The following NEB variants were observed in gnomAD, a reference collection of about 807,000 sequenced individuals.
NEB encodes the protein nebulin.
In NEB, 512 loss-of-function variants were observed where a neutral mutation model predicts 952.2. The observed-to-expected ratio is 0.54, with a 90% CI of 0.50 to 0.58. The LOEUF (loss-of-function observed/expected upper bound fraction) is 0.58. Ranked by LOEUF, NEB falls within the 20% of genes least tolerant of loss-of-function variation. The pLI, the probability that NEB is intolerant of heterozygous loss-of-function variation, is 0.00. For missense variants in NEB, 8,428 were observed against 9,231.1 expected (o/e 0.91, Z 3.56); for synonymous variants, 2,900 against 3,149.8 (o/e 0.92, Z 2.66).
chr2:151,565,091 T>C lies in NEB; in HGVS notation c.18424A>G (p.Thr6142Ala). The change falls in exon 117 of 182, where the codon ACA (threonine) becomes GCA (alanine). Residue 6142 changes from threonine to alanine, a missense_variant. By Grantham distance (58) the Thr-to-Ala change is moderately conservative. Transcript: ENST00000397345. ...AKGKYTFSPDTPHISHSKDMG... is the reference protein window; with the variant it reads ...AKGKYTFSPDAPHISHSKDMG... ...TCTTTGGAGTGGGAGATATGTGGTG[T>C]ATCTGGTGAAAACGTATATTTGCCC... The C allele has an allele frequency of 6.2e-7, 1 of 1,602,242 alleles. No homozygotes were observed. The highest frequency in any genetic ancestry group is 8.5e-7 in the Non-Finnish European group (1 of 1,170,846).
At chr2:151,717,544 G>A (rs766671540) in intron 9 of NEB, 24 bp from the exon 10 acceptor site, 26 of 1,540,110 alleles carry the variant, frequency 1.7e-5, no homozygotes, top group Non-Finnish European at 9.0e-7. Context: ...AGACAGGGAT[G>A]TATTTTAAAA....
In NEB at chr2:151,502,842, A is replaced by G; in HGVS notation, c.23879T>C (p.Ile7960Thr). 6.2e-7 allele frequency: 1 copy of G among 1,608,992 alleles called. No individual in the cohort carries two copies. The highest frequency in any genetic ancestry group is 1.1e-5 in the South Asian group (1 of 89,586). Residue 7960 changes from isoleucine to threonine, a missense_variant, in exon 167 of 182, where the codon ATC becomes ACC. Around this residue, in one of 11 missense-constraint regions of NEB, gnomAD observed 3,374 missense variants for 3,651.5 expected, o/e 0.92. Coordinates refer to ENST00000397345, the MANE Select transcript of NEB (RefSeq NM_001164508.2). Reference protein sequence around the residue: ...ENLGKGIPTPITPEMERVKRN... With the variant: ...ENLGKGIPTPTTPEMERVKRN... ...TTTGACTCTCTCCATCTCTGGAGTG[A>G]TAGGTGTTGGGATTCCTTTCCCCAA... is the stretch of plus-strand genomic sequence containing the variant.
At chr2:151,560,739 G>C (rs1231692674) in intron 123 of NEB, 40 bp from the exon 124 acceptor site, 1 of 1,478,178 alleles carries the variant, frequency 6.8e-7, no homozygotes, top group African/African-American at 1.4e-5. Context: ...ATGGGAAAAT[G>C]CATCTGGTTA....
intron 64 of NEB, among the ~76,000 whole-genome samples, chr2:151,634,940 G>C (rs2154084294): frequency 6.6e-6 from 1 of 152,256 alleles, no homozygotes; most frequent in East Asian, 1.9e-4. Flanking sequence ...ATCTAAGCCA[G>C]TTATCCAAAA....
intron 28 of NEB, among the ~76,000 whole-genome samples, chr2:151,683,758 A>T (rs1329824820): frequency 6.6e-6 from 1 of 152,190 alleles, no homozygotes; most frequent in African/African-American, 2.4e-5. Flanking sequence ...AGAGATATTC[A>T]CATGCCCATA....
At chr2:151,625,425 G>C in intron 71 of NEB, 109 bp downstream of exon 71, 1 of 738,590 alleles carries the variant, frequency 1.4e-6, no homozygotes, top group Non-Finnish European at 2.1e-6. Flanking sequence ...GGCATAAAAA[G>C]CCAACTAAGC....
At chr2:151,625,770 CA>C in intron 70 of NEB, 132 bp from the exon 71 acceptor site, 1 of 510,984 alleles carries the variant, frequency 2.0e-6, no homozygotes, top group South Asian at 4.9e-5. Context: ...ATATTCTTTT[CA>C]ACCTCTTTGA....
At position 151,672,496 on chromosome 2, in the gene NEB, G is replaced by A. The variant is rs1362236313; in HGVS notation, c.4172C>T (p.Thr1391Ile). 2 of 1,613,916 alleles carry A rather than the reference G, an allele frequency of 1.2e-6. No homozygotes were observed. Among genetic ancestry groups the A allele is most frequent in the Admixed American group, 1.7e-5 (1 of 60,014 alleles). ...YHTPGDMVSI[T>I]AAKMAQDVAT... ...GACATCCTGGGCCATCTTTGCAGCT[G>A]TGATGCTAACCATGTCCCCAGGGGT... The change falls in exon 37 of 182, where the codon ACA (threonine) becomes ATA (isoleucine). Residue 1391 changes from threonine to isoleucine, a missense_variant. Physicochemically the swap from Thr to Ile is moderately conservative, Grantham distance 89. Coordinates refer to ENST00000397345, the MANE Select transcript of NEB (RefSeq NM_001164508.2).
intron 71 of NEB, among the ~76,000 whole-genome samples, chr2:151,621,375 T>C (rs1197914378): frequency 1.3e-5 from 2 of 152,180 alleles, no homozygotes; most frequent in African/African-American, 4.8e-5. Flanking sequence ...ATTGGGAACA[T>C]TTTTACTAGC....
At chr2:151,714,997 A>G (rs2099755244) in intron 10 of NEB, among the ~76,000 whole-genome samples, 1 of 152,244 alleles carries the variant, frequency 6.6e-6, no homozygotes, top group Non-Finnish European at 1.5e-5. Flanking sequence ...TTAAGAACTC[A>G]GAAATCTGGG....
chr2:151,662,532 T>C (rs1418279110), intron 45 of NEB, among the ~76,000 whole-genome samples, 191 bp from the exon 46 acceptor site: 1 of 152,236 alleles, frequency 6.6e-6, no homozygotes, highest in Non-Finnish European at 1.5e-5. Flanking sequence ...CCTAAACTTT[T>C]ATCCTTTTTA....
intron 33 of NEB, 34 bp downstream of exon 33, chr2:151,677,842 T>C (rs758060834): frequency 3.1e-6 from 5 of 1,606,326 alleles, no homozygotes; most frequent in South Asian, 2.2e-5. Context: ...CTGAACTTAA[T>C]AGGGGGGTTT....
At chr2:151,710,302 A>G (rs934544753) in intron 11 of NEB, 132 bp downstream of exon 11, 41 of 511,192 alleles carry the variant, frequency 8.0e-5, no homozygotes, top group Non-Finnish European at 2.1e-5. Context: ...GGAACTCTGC[A>G]CCAGGTCTTG....
intron 13 of NEB, among the ~76,000 whole-genome samples, chr2:151,700,345 G>A (rs1279509225): frequency 6.1e-5 from 5 of 81,936 alleles, no homozygotes; most frequent in Non-Finnish European, 9.5e-5. Flanking sequence ...TTGGCGATGC[G>A]GGCTCTTTTT....
intron 141 of NEB, 137 bp from the exon 142 acceptor site, chr2:151,535,932 G>GA: frequency 1.7e-6 from 1 of 578,570 alleles, no homozygotes; most frequent in Non-Finnish European, 3.0e-6. Context: ...TTTTGAGACA[G>GA]GGTTTCACTC....
In NEB at chr2:151,682,653, T is replaced by G. The variant is rs934975132; in HGVS notation, c.2943+9A>C. The G allele has an allele frequency of 1.9e-6, 3 of 1,601,556 alleles. No individual in the cohort carries two copies. In the Admixed American group the frequency reaches 5.0e-5, roughly 27 times the overall value. Reference sequence around the variant, plus strand: ...ACCACTCTCCCTCTGACACACCCAGTGGCTTTACCTCATTGAGGATGTCTG... The same window carrying G: ...ACCACTCTCCCTCTGACACACCCAGGGGCTTTACCTCATTGAGGATGTCTG... On this transcript the variant is annotated intron_variant, in intron 29 of 181. Transcript: ENST00000397345.
At position 151,640,574 on chromosome 2, in the gene NEB, G is replaced by A. The variant is rs61730771; in HGVS notation, c.8466C>T (p.His2822=). The A allele has an allele frequency of 0.02, 31,749 of 1,613,806 alleles. 458 individuals are homozygous for A. The highest frequency in any genetic ancestry group is 0.047 in the South Asian group (4,303 of 91,074). Reference sequence around the variant, plus strand: ...CCCTGTCACTCTGGATCTTGGCCACGTGCATGGACCACATCATCTTGGGGT... The same window carrying A: ...CCCTGTCACTCTGGATCTTGGCCACATGCATGGACCACATCATCTTGGGGT... ...RDDPKMMWSM[H]VAKIQSDREY... The change falls in exon 61 of 182, where the codon CAC becomes CAT. Residue 2822 remains histidine, a synonymous_variant. Coordinates refer to ENST00000397345, the MANE Select transcript of NEB (RefSeq NM_001164508.2).
At position 151,664,530 on chromosome 2, in the gene NEB, C is replaced by A; in HGVS notation, c.5422G>T (p.Ala1808Ser). 6.2e-7 allele frequency: 1 copy of A among 1,602,800 alleles called. No individual in the cohort carries two copies. The highest frequency in any genetic ancestry group is 1.1e-5 in the South Asian group (1 of 88,318). Residue 1808 changes from alanine (A) to serine (S), a missense_variant, in exon 44 of 182, where the codon GCA (alanine) becomes TCA (serine). Transcript: ENST00000397345. The stretch of plus-strand genomic sequence containing the variant: ...CTGGCAATGTCTCTAGAGGCTCTTG[C>A]AGCCTTTATTGCAATGGCATCAGGC... ...LRPDAIAIKA[A>S]RASRDIASDY...
chr2:151,576,690 CCTGT>C (rs1433165449), intron 105 of NEB, among the ~76,000 whole-genome samples: 1 of 150,928 alleles, frequency 6.6e-6, no homozygotes, highest in Non-Finnish European at 1.5e-5. Flanking sequence ...TGCCATGATG[CCTGT>C]CTAATTTTTG....
Sources: gnomAD v4.1 joint callset for allele counts (sites outside exome capture counted in the v4.1 genomes callset) on GRCh38, gnomAD v4.1.1 for gene constraint, gnomAD v4.1.1 regional missense constraint, MANE v1.5 for transcripts, NCBI Gene and HGNC (gene_info 2026-07-23, HGNC 2026-07-21) for gene names.